The following MKLN1 variants were observed in gnomAD, a reference collection of about 807,000 sequenced individuals.
MKLN1 encodes the protein muskelin 1, also known as muskelin.
MKLN1 carries 18 observed loss-of-function variants against 99.0 expected under a neutral mutation model. The observed-to-expected ratio is 0.18, with a 90% CI of 0.13 to 0.27. MKLN1 has a LOEUF of 0.27. Ranked by LOEUF, MKLN1 falls within the 10% of genes least tolerant of loss-of-function variation. The pLI, the probability that MKLN1 is intolerant of heterozygous loss-of-function variation, is 1.00. For synonymous variants in MKLN1, 288 were observed against 293.2 expected (o/e 0.98, Z 0.18); for missense variants, 621 against 875.9 (o/e 0.71, Z 3.67).
In MKLN1 at chr7:131,478,595, CTTTTTTTTTTT is replaced by C. The variant is rs3080645; in HGVS notation, c.2032-17_2032-7del. The C allele has an allele frequency of 2.2e-5, 27 of 1,238,458 alleles. No homozygotes were observed. The Middle Eastern group carries it at 1.9e-3, about 86-fold the overall frequency. The allele number at this position is 1,238,458 out of a possible 1,614,324, so 76.7% of individuals were successfully genotyped here. A position where few individuals can be genotyped will look rare whatever the true frequency, so the allele number is the denominator to read the frequency against. On this transcript the variant is annotated splice_polypyrimidine_tract_variant and intron_variant, in intron 16 of 17. Coordinates refer to ENST00000352689, the MANE Select transcript of MKLN1 (RefSeq NM_013255.5). ...CACTTAGCCAGCTAATTTGCTGCTT[CTTTTTTTTTTT>C]TTTTTTTTTTAAACAGTTTCAGCTC... is the stretch of plus-strand genomic sequence containing the variant.
intron 1 of MKLN1, among the ~76,000 whole-genome samples, chr7:131,374,083 C>G (rs1010935551): frequency 4.6e-5 from 7 of 152,132 alleles, no homozygotes; most frequent in African/African-American, 7.2e-5. Flanking sequence ...GCCTGTCATT[C>G]TCTGTGACCC....
chr7:131,197,378 TTTATTATTATTATTATTA>T (rs139892490), intron 2 of MKLN1, among the ~76,000 whole-genome samples: 9,603 of 139,224 alleles, frequency 0.069, 384 homozygotes, highest in Middle Eastern at 0.1. Flanking sequence ...TAATTAAAAT[TTTATTATTATTATTATTA>T]TTATTATTAT....
chr7:131,250,273 G>A (rs1797557865), intron 3 of MKLN1, among the ~76,000 whole-genome samples: 1 of 152,160 alleles, frequency 6.6e-6, no homozygotes, highest in African/African-American at 2.4e-5. Context: ...GCAGGCTGAA[G>A]CGGGAACCCA....
At chr7:131,264,080 G>A (rs980948007) in intron 3 of MKLN1, among the ~76,000 whole-genome samples, 2 of 152,120 alleles carry the variant, frequency 1.3e-5, no homozygotes, top group African/African-American at 4.8e-5. Context: ...TGGAATATGA[G>A]GTCTAGCAGA....
chr7:131,450,121 A>T (rs1164572678), intron 12 of MKLN1, among the ~76,000 whole-genome samples: 1 of 152,250 alleles, frequency 6.6e-6, no homozygotes, highest in East Asian at 1.9e-4. Flanking sequence ...TTGGGCTAAC[A>T]TCACCTATTT....
intron 9 of MKLN1, among the ~76,000 whole-genome samples, chr7:131,431,623 A>G (rs1457764985): frequency 6.6e-6 from 1 of 152,174 alleles, no homozygotes; most frequent in Non-Finnish European, 1.5e-5. Context: ...TCTTGCCCTG[A>G]TAGCAAAAAG....
At chr7:131,382,955 C>T (rs1370456582) in intron 2 of MKLN1, among the ~76,000 whole-genome samples, 4 of 152,078 alleles carry the variant, frequency 2.6e-5, no homozygotes, top group African/African-American at 9.7e-5. Flanking sequence ...GATCTCTTGA[C>T]CTCGTGATCG....
intron 2 of MKLN1, among the ~76,000 whole-genome samples, chr7:131,168,610 A>G (rs1796170033): frequency 2.6e-5 from 4 of 152,342 alleles, no homozygotes; most frequent in South Asian, 2.1e-4. Context: ...TTATTATAAT[A>G]TCATGGCTGA....
intron 12 of MKLN1, among the ~76,000 whole-genome samples, chr7:131,450,992 T>A (rs1392824613): frequency 6.6e-6 from 1 of 152,230 alleles, no homozygotes; most frequent in Non-Finnish European, 1.5e-5. Context: ...TTTACTGAAC[T>A]AAATTAGACT....
At chr7:131,270,174 G>A (rs568987990) in intron 3 of MKLN1, among the ~76,000 whole-genome samples, 7 of 151,206 alleles carry the variant, frequency 4.6e-5, no homozygotes, top group Non-Finnish European at 8.8e-5. Flanking sequence ...CACCCGCCTC[G>A]GCCTCTCAAA....
chr7:131,266,918 C>T (rs1422822204), intron 3 of MKLN1, among the ~76,000 whole-genome samples: 1 of 151,922 alleles, frequency 6.6e-6, no homozygotes, highest in Non-Finnish European at 1.5e-5. Context: ...GTTGGAAGAT[C>T]ACACAAGCTT....
intron 1 of MKLN1, among the ~76,000 whole-genome samples, chr7:131,128,588 A>G (rs1414552870): frequency 1.3e-5 from 2 of 152,228 alleles, no homozygotes; most frequent in Non-Finnish European, 2.9e-5. Flanking sequence ...TAGATAAGGC[A>G]GTAGCACAAA....
chr7:131,377,423 A>T (rs914201445), intron 2 of MKLN1, among the ~76,000 whole-genome samples: 2 of 152,150 alleles, frequency 1.3e-5, no homozygotes, highest in South Asian at 4.1e-4. Flanking sequence ...TTTCCTATTT[A>T]CATTAAAATC....
At chr7:131,312,311 C>T (rs560130230) in intron 3 of MKLN1, among the ~76,000 whole-genome samples, 1 of 152,308 alleles carries the variant, frequency 6.6e-6, no homozygotes, top group African/African-American at 2.4e-5. Flanking sequence ...GTGTGAGCCA[C>T]CGCATCTAGC....
At chr7:131,470,341 C>A (rs1031141773) in intron 15 of MKLN1, among the ~76,000 whole-genome samples, 4 of 152,164 alleles carry the variant, frequency 2.6e-5, no homozygotes, top group Non-Finnish European at 5.9e-5. Context: ...GACATAATCT[C>A]ATTAAAAGTA....
chr7:131,430,509 G>T (rs1236919415), intron 9 of MKLN1, among the ~76,000 whole-genome samples: 1 of 151,646 alleles, frequency 6.6e-6, no homozygotes, highest in East Asian at 1.9e-4. Context: ...AATCTAAGGC[G>T]ATGACATCTG....
chr7:131,280,263 G>T (rs6968257), intron 3 of MKLN1, among the ~76,000 whole-genome samples: 9 of 152,148 alleles, frequency 5.9e-5, no homozygotes, highest in African/African-American at 2.2e-4. Flanking sequence ...GCTGCTATGA[G>T]CATTCACGTA....
chr7:131,143,632 C>G (rs1237252893), intron 2 of MKLN1, among the ~76,000 whole-genome samples: 1 of 152,028 alleles, frequency 6.6e-6, no homozygotes, highest in East Asian at 1.9e-4. Context: ...CCAAGATCAG[C>G]CTGGGCAACA....
intron 17 of MKLN1, among the ~76,000 whole-genome samples, chr7:131,485,563 A>C (rs920654847): frequency 6.6e-6 from 1 of 152,072 alleles, no homozygotes; most frequent in African/African-American, 2.4e-5. Context: ...CCTTGGAGAA[A>C]CTTGGCATAT....
Sources: gnomAD v4.1 joint callset for allele counts (sites outside exome capture counted in the v4.1 genomes callset) on GRCh38, gnomAD v4.1.1 for gene constraint, MANE v1.5 for transcripts, NCBI Gene and HGNC (gene_info 2026-07-23, HGNC 2026-07-21) for gene names.